PCDH11X: variants seen among roughly 807,000 people sequenced by gnomAD.
PCDH11X encodes protocadherin 11 X-linked, also known as protocadherin-11 X-linked.
PCDH11X carries 18 observed loss-of-function variants against 53.3 expected under a neutral mutation model. The observed-to-expected ratio is 0.34, with a 90% CI of 0.23 to 0.50. PCDH11X has a LOEUF of 0.50. Ranked by LOEUF, PCDH11X falls within the 20% of genes least tolerant of loss-of-function variation. The probability of loss-of-function intolerance (pLI) is 0.98; values close to 1 mark genes in which losing one functional copy is unlikely to be tolerated. For missense variants in PCDH11X, 570 were observed against 1,032.4 expected (o/e 0.55, Z 6.14); for synonymous variants, 279 against 393.3 (o/e 0.71, Z 3.44).
At chrX:92,276,310 G>T (rs999987998) in intron 8 of PCDH11X, among the ~76,000 whole-genome samples, 1 of 107,174 alleles carries the variant, frequency 9.3e-6, no homozygotes, top group Non-Finnish European at 1.9e-5. Flanking sequence ...GGCTTCCGAG[G>T]CGATCGGGCA....
chrX:91,865,943 G>T (rs1488342590), intron 5 of PCDH11X, among the ~76,000 whole-genome samples: 5 of 109,621 alleles, frequency 4.6e-5, no homozygotes, highest in Non-Finnish European at 7.6e-5. Context: ...GCTACCCAAG[G>T]GTCGTGTCCT....
At chrX:92,148,878 A>G (rs1232112527) in intron 6 of PCDH11X, among the ~76,000 whole-genome samples, 2 of 109,307 alleles carry the variant, frequency 1.8e-5, no homozygotes, top group Non-Finnish European at 3.8e-5. Context: ...TGTGTATTGC[A>G]TACTCCCTTT....
intron 8 of PCDH11X, among the ~76,000 whole-genome samples, chrX:92,301,924 G>A (rs1448924755): frequency 3.6e-5 from 4 of 111,334 alleles, no homozygotes. Context: ...TTCTCTGTGT[G>A]TGATTCTCCT....
At chrX:92,337,075 T>A (rs1206810243) in intron 8 of PCDH11X, among the ~76,000 whole-genome samples, 3 of 110,305 alleles carry the variant, frequency 2.7e-5, no homozygotes, top group Non-Finnish European at 5.7e-5. Flanking sequence ...TATGACATGT[T>A]TAATACATAG....
At chrX:92,489,064 T>C (rs865869429) in intron 10 of PCDH11X, among the ~76,000 whole-genome samples, 17 of 98,693 alleles carry the variant, frequency 1.7e-4, no homozygotes, top group African/African-American at 6.0e-4. Context: ...CATTTTAAAA[T>C]ATGCTCTTTA....
chrX:92,618,702 G>A lies in PCDH11X; in HGVS notation c.3806G>A (p.Arg1269His), dbSNP rs190051049. The A allele has an allele frequency of 2.6e-5, 32 of 1,210,435 alleles. No individual in the cohort carries two copies. In the Admixed American group the frequency reaches 3.3e-4, roughly 12 times the overall value. ...SPLPQVIALH[R>H]SQAQSSVSLQ... ...CTGCCACAGGTTATTGCCCTCCATC[G>A]TAGTCAGGCCCAATCATCAGTCAGT... The change falls in exon 11 of 11, where the codon CGT becomes CAT. Residue 1269 changes from arginine to histidine, a missense_variant. Physicochemically the swap from Arg to His is conservative, Grantham distance 29. Transcript: ENST00000682573.
chrX:91,927,486 C>T (rs189303978), intron 6 of PCDH11X, among the ~76,000 whole-genome samples: 1 of 110,452 alleles, frequency 9.1e-6, no homozygotes, highest in African/African-American at 3.3e-5. Flanking sequence ...GCCTTTTAGC[C>T]TTTAGAGACC....
In PCDH11X at chrX:92,497,102, CA is replaced by C. The variant is rs1047022549; in HGVS notation, c.3367+28781del. 2.7e-5 allele frequency among the ~76,000 whole-genome samples: 3 copies of C among 110,291 alleles called. No homozygotes were observed. The Admixed American group carries it at 2.9e-4, about 11-fold the overall frequency. ...TGGCACTTGAGCTCAGTTCCAAATA[CA>C]GCAAGGGCAAGTGGAGATTTATAGC... On this transcript the variant is annotated intron_variant, in intron 10 of 10. Coordinates refer to ENST00000682573, the MANE Select transcript of PCDH11X (RefSeq NM_032968.5).
chrX:91,981,690 C>T (rs1349785943), intron 6 of PCDH11X, among the ~76,000 whole-genome samples: 1 of 110,170 alleles, frequency 9.1e-6, no homozygotes, highest in Non-Finnish European at 1.9e-5. Flanking sequence ...GGGGAAGCCT[C>T]ACAATCATAG....
intron 9 of PCDH11X, among the ~76,000 whole-genome samples, chrX:92,394,622 A>G (rs2071204081): frequency 9.0e-6 from 1 of 111,405 alleles, no homozygotes. Context: ...TTTTTAAAAA[A>G]TCTTACTTCT....
intron 6 of PCDH11X, among the ~76,000 whole-genome samples, chrX:92,052,158 A>C (rs1304332777): frequency 8.9e-6 from 1 of 112,025 alleles, no homozygotes; most frequent in Non-Finnish European, 1.9e-5. Flanking sequence ...AGTAAACTTG[A>C]ATGTTTAACT....
intron 10 of PCDH11X, among the ~76,000 whole-genome samples, chrX:92,529,026 T>G (rs1007759252): frequency 9.0e-6 from 1 of 111,603 alleles, no homozygotes; most frequent in African/African-American, 3.3e-5. Context: ...CTGTCTGAAC[T>G]AAAGGGTAGA....
At chrX:91,914,005 T>A (rs1388175745) in intron 6 of PCDH11X, among the ~76,000 whole-genome samples, 1 of 111,391 alleles carries the variant, frequency 9.0e-6, no homozygotes, top group African/African-American at 3.3e-5. Context: ...CTACTTTGCT[T>A]CTCTGCCACC....
chrX:92,506,520 A>T (rs1280600544), intron 10 of PCDH11X, among the ~76,000 whole-genome samples: 1 of 104,573 alleles, frequency 9.6e-6, no homozygotes, highest in Non-Finnish European at 2.0e-5. Context: ...TGTTCTGTTT[A>T]TATGATGAAT....
At chrX:92,183,548 C>T (rs1240254575) in intron 6 of PCDH11X, among the ~76,000 whole-genome samples, 5 of 112,140 alleles carry the variant, frequency 4.5e-5, no homozygotes, top group African/African-American at 1.6e-4. Flanking sequence ...GCTGAGAAAC[C>T]TTTTAAGAAT....
intron 6 of PCDH11X, among the ~76,000 whole-genome samples, chrX:91,974,462 A>G (rs768895234): frequency 1.8e-5 from 2 of 111,715 alleles, no homozygotes; most frequent in Admixed American, 1.9e-4. Context: ...GTGGTAAGGG[A>G]TTTTGTCAAG....
At position 92,618,750 on chromosome X, in the gene PCDH11X, G is replaced by A; in HGVS notation, c.3854G>A (p.Gly1285Asp). ...AGTTTGCAGCAAGGTTGGGTGCAAG[G>A]TGCTGATGGGCTATGCTCTGTTGAT... ...SVSLQQGWVQ[G>D]ADGLCSVDQG... Residue 1285 changes from glycine to aspartate, a missense_variant, in exon 11 of 11, where the codon GGT (glycine) becomes GAT (aspartate). Physicochemically the swap from Gly to Asp is moderately conservative, Grantham distance 94. Transcript: ENST00000682573. 1 of 1,211,995 alleles carries A rather than the reference G, an allele frequency of 8.3e-7. No homozygotes were observed. The highest frequency in any genetic ancestry group is 1.7e-5 in the African/African-American group (1 of 57,868).
At chrX:91,932,699 T>TGTGTGC (rs1555966145) in intron 6 of PCDH11X, among the ~76,000 whole-genome samples, 49 of 92,373 alleles carry the variant, frequency 5.3e-4, no homozygotes, top group African/African-American at 2.3e-3. Flanking sequence ...TGTGTGTGTG[T>TGTGTGC]GCGCGCGCGC....
chrX:91,826,003 TATACTA>T (rs1000256722), intron 4 of PCDH11X, among the ~76,000 whole-genome samples: 23 of 109,833 alleles, frequency 2.1e-4, no homozygotes, highest in African/African-American at 7.1e-4. Flanking sequence ...CACTTTCAAA[TATACTA>T]ATACTTTTGA....
Sources: gnomAD v4.1 joint callset for allele counts (sites outside exome capture counted in the v4.1 genomes callset) on GRCh38, gnomAD v4.1.1 for gene constraint, MANE v1.5 for transcripts, NCBI Gene and HGNC (gene_info 2026-07-23, HGNC 2026-07-21) for gene names.